ABCC4: variants seen among roughly 807,000 people sequenced by gnomAD.
ABCC4 encodes ATP-binding cassette sub-family C member 4.
ABCC4 carries 102 observed loss-of-function variants against 168.5 expected under a neutral mutation model. That is an observed-to-expected ratio of 0.61 (90% CI 0.52 to 0.71). The LOEUF is 0.71. Among genes scored for constraint, ABCC4 ranks in the 30% least tolerant of loss-of-function variants. The pLI is 0.00. For synonymous variants in ABCC4, 617 were observed against 590.7 expected, an observed-to-expected ratio of 1.04 and a Z score of -0.65; for missense variants, 1,402 against 1,605.8, an observed-to-expected ratio of 0.87 and a Z score of 2.17.
chr13:95,102,155 G>T (rs2034831897), intron 20 of ABCC4, among the ~76,000 whole-genome samples: 1 of 151,914 alleles, frequency 6.6e-6, no homozygotes, highest in South Asian at 2.1e-4. Context: ...TTATTTTTTG[G>T]TTCTTTTGAG....
At chr13:95,232,814 C>T (rs1418509347) in intron 4 of ABCC4, among the ~76,000 whole-genome samples, 1 of 152,072 alleles carries the variant, frequency 6.6e-6, no homozygotes, top group African/African-American at 2.4e-5. Context: ...ACCAGAAATC[C>T]CACTCCTTCT....
chr13:95,131,587 C>T (rs986623142), intron 19 of ABCC4, among the ~76,000 whole-genome samples: 1 of 152,132 alleles, frequency 6.6e-6, no homozygotes, highest in Non-Finnish European at 1.5e-5. Flanking sequence ...CGAGATCGCA[C>T]CACTGCACTC....
intron 4 of ABCC4, among the ~76,000 whole-genome samples, chr13:95,225,173 A>T (rs1445895363): frequency 6.9e-5 from 10 of 144,240 alleles, no homozygotes; most frequent in East Asian, 1.9e-4. Flanking sequence ...ACACACACAC[A>T]CACACACACA....
chr13:95,194,302 C>T (rs1309998130), intron 9 of ABCC4, among the ~76,000 whole-genome samples: 1 of 152,212 alleles, frequency 6.6e-6, no homozygotes, highest in African/African-American at 2.4e-5. Context: ...CTGCAGCCTC[C>T]CCTCGGCCTT....
intron 1 of ABCC4, among the ~76,000 whole-genome samples, chr13:95,293,781 T>C (rs2041460327): frequency 1.6e-5 from 2 of 125,068 alleles, no homozygotes; most frequent in Non-Finnish European, 3.6e-5. Flanking sequence ...ACGTTTTCTT[T>C]TGCTTTTTTT....
At chr13:95,112,710 A>G (rs1235265985) in intron 20 of ABCC4, among the ~76,000 whole-genome samples, 2 of 152,164 alleles carry the variant, frequency 1.3e-5, no homozygotes, top group African/African-American at 4.8e-5. Context: ...TGTTTCAGTC[A>G]ATCTCAGCTG....
intron 30 of ABCC4, among the ~76,000 whole-genome samples, chr13:95,023,882 G>A (rs1029294435): frequency 6.6e-6 from 1 of 152,118 alleles, no homozygotes; most frequent in Non-Finnish European, 1.5e-5. Context: ...ATAGAAGATG[G>A]AGTATGAACA....
At chr13:95,030,256 A>G (rs1463472839) in intron 30 of ABCC4, among the ~76,000 whole-genome samples, 1 of 151,976 alleles carries the variant, frequency 6.6e-6, no homozygotes, top group Non-Finnish European at 1.5e-5. Flanking sequence ...CCTGACTTCA[A>G]GTGATATACC....
chr13:95,239,531 A>G (rs1476389662), intron 3 of ABCC4, among the ~76,000 whole-genome samples: 1 of 152,246 alleles, frequency 6.6e-6, no homozygotes, highest in East Asian at 1.9e-4. Flanking sequence ...TGCAAAGACT[A>G]ATAGTATACA....
At chr13:95,204,919 G>A in intron 8 of ABCC4, among the ~76,000 whole-genome samples, 1 of 152,190 alleles carries the variant, frequency 6.6e-6, no homozygotes, top group South Asian at 2.1e-4. Context: ...CAATCACGGT[G>A]AGGGGCAGCA....
chr13:95,279,685 A>G lies in ABCC4; in HGVS notation c.74+21556T>C, dbSNP rs1371634693. Reference sequence around the variant, plus strand: ...ATCTTCAAGAAATCCCCAAGTCCTCACAGTGCTTTTTGTGGATTTTTGTGG... The same window carrying G: ...ATCTTCAAGAAATCCCCAAGTCCTCGCAGTGCTTTTTGTGGATTTTTGTGG... On this transcript the variant is annotated intron_variant, in intron 1 of 30. Coordinates refer to ENST00000645237, the MANE Select transcript of ABCC4 (RefSeq NM_005845.5). 3.9e-5 allele frequency among the ~76,000 whole-genome samples: 6 copies of G among 152,198 alleles called. No individual in the cohort carries two copies. In the South Asian group the frequency reaches 1.2e-3, roughly 32 times the overall value.
chr13:95,127,923 G>C, intron 19 of ABCC4, among the ~76,000 whole-genome samples: 1 of 152,090 alleles, frequency 6.6e-6, no homozygotes, highest in South Asian at 2.1e-4. Context: ...TAACTTCAAA[G>C]GATTTCAACA....
intron 19 of ABCC4, among the ~76,000 whole-genome samples, chr13:95,118,728 G>A (rs1318043516): frequency 1.3e-5 from 2 of 152,216 alleles, no homozygotes; most frequent in East Asian, 3.8e-4. Flanking sequence ...CTCCAGGGAT[G>A]TCGAGAGAAG....
chr13:95,210,910 C>T (rs572868754), intron 4 of ABCC4, 129 bp from the exon 5 acceptor site: 4 of 602,000 alleles, frequency 6.6e-6, no homozygotes, highest in South Asian at 2.2e-5. Context: ...TCCCCACCCC[C>T]CCACTGCCCC....
At chr13:95,243,528 G>T (rs1441883114) in intron 3 of ABCC4, among the ~76,000 whole-genome samples, 1 of 152,112 alleles carries the variant, frequency 6.6e-6, no homozygotes, top group East Asian at 1.9e-4. Context: ...GATGAACTTG[G>T]GTCAGCAGGG....
At chr13:95,038,129 T>C (rs1389591532) in intron 29 of ABCC4, among the ~76,000 whole-genome samples, 2 of 152,098 alleles carry the variant, frequency 1.3e-5, no homozygotes, top group Non-Finnish European at 2.9e-5. Context: ...GTGCTGGGAT[T>C]ACAGGCATGA....
intron 4 of ABCC4, among the ~76,000 whole-genome samples, chr13:95,218,918 AGAAAGAAAG>A: frequency 4.5e-4 from 11 of 24,232 alleles, no homozygotes; most frequent in Admixed American, 1.2e-3. Context: ...AGAGAGAGAG[AGAAAGAAAG>A]AGAAAGAAAG....
intron 3 of ABCC4, among the ~76,000 whole-genome samples, chr13:95,238,437 G>A (rs1385566094): frequency 6.6e-6 from 1 of 152,184 alleles, no homozygotes; most frequent in South Asian, 2.1e-4. Flanking sequence ...ATTGATCAGG[G>A]TAGGGCCTGA....
At chr13:95,065,349 C>G (rs2033491128) in intron 25 of ABCC4, among the ~76,000 whole-genome samples, 2 of 152,128 alleles carry the variant, frequency 1.3e-5, no homozygotes, top group Non-Finnish European at 2.9e-5. Context: ...AAATGCTGGC[C>G]ACAACCCCAG....
Sources: allele counts gnomAD v4.1 joint callset (sites outside exome capture counted in the v4.1 genomes callset), GRCh38; gene constraint gnomAD v4.1.1; transcripts MANE v1.5; gene names NCBI Gene and HGNC (gene_info 2026-07-23, HGNC 2026-07-21).